Variants in NR3C1 observed in about 807,000 individuals in gnomAD.
The protein encoded by NR3C1 is nuclear receptor subfamily 3 group C member 1.
NR3C1 carries 14 observed loss-of-function variants against 74.0 expected under a neutral mutation model. The observed-to-expected ratio is 0.19, with a 90% CI of 0.12 to 0.30. The LOEUF is 0.30. Ranked by LOEUF, NR3C1 falls within the 10% of genes least tolerant of loss-of-function variation. NR3C1 has a pLI of 1.00. For missense variants in NR3C1, 695 were observed against 909.8 expected (o/e 0.76, Z 3.04); for synonymous variants, 308 against 332.5 (o/e 0.93, Z 0.80).
At chr5:143,316,378 A>G (rs1424428883) in intron 2 of NR3C1, among the ~76,000 whole-genome samples, 1 of 152,234 alleles carries the variant, frequency 6.6e-6, no homozygotes, top group Non-Finnish European at 1.5e-5. Flanking sequence ...CATTGTTTAA[A>G]GGTTAGGACA....
At chr5:143,320,639 A>G (rs1289767072) in intron 2 of NR3C1, among the ~76,000 whole-genome samples, 2 of 152,212 alleles carry the variant, frequency 1.3e-5, no homozygotes, top group Non-Finnish European at 2.9e-5. Flanking sequence ...TTGGATCTGT[A>G]AAGGGTTTCT....
intron 1 of NR3C1, chr5:143,401,127 C>T (rs1840190237): frequency 6.3e-6 from 3 of 476,132 alleles, no homozygotes; most frequent in Non-Finnish European, 1.2e-5. Flanking sequence ...ATTCATCCTG[C>T]CGCTCACTGA....
rs1434184426 is a variant in NR3C1 at position 143,278,392 on chromosome 5, C to G, written c.*3497G>C. On this transcript the variant is annotated 3_prime_UTR_variant, in exon 9 of 9. Transcript: ENST00000394464. ...ATTTGAGGAGGGTATTTTCATACAG[C>G]CTTTCATCAGAAAATAAAATCCTTT... 1 of 152,098 alleles carries G rather than the reference C, an allele frequency of 6.6e-6. No homozygotes were observed. The allele number at this position is 152,098 out of a possible 1,614,324, so 9.4% of individuals were successfully genotyped here. A position where few individuals can be genotyped will look rare whatever the true frequency, so the allele number is the denominator to read the frequency against.
intron 1 of NR3C1, among the ~76,000 whole-genome samples, chr5:143,421,749 A>G: frequency 6.6e-6 from 1 of 152,024 alleles, no homozygotes; most frequent in Non-Finnish European, 1.5e-5. Flanking sequence ...CCAAGCTCAC[A>G]CCACTGCACT....
intron 2 of NR3C1, among the ~76,000 whole-genome samples, chr5:143,329,042 C>CAG (rs1825292385): frequency 6.6e-6 from 1 of 152,138 alleles, no homozygotes; most frequent in African/African-American, 2.4e-5. Flanking sequence ...CCTGCCAGTA[C>CAG]CAATTCTCTG....
upstream of NR3C1, chr5:143,407,088 A>T (rs1054994346): frequency 6.6e-6 from 1 of 152,180 alleles, no homozygotes; most frequent in African/African-American, 2.4e-5. Context: ...AAGGTATTTG[A>T]TTGTCTTAGA....
chr5:143,347,387 T>C (rs1288747100), intron 2 of NR3C1, among the ~76,000 whole-genome samples: 2 of 152,112 alleles, frequency 1.3e-5, no homozygotes, highest in African/African-American at 4.8e-5. Context: ...AAAACAGACT[T>C]TAACCCAGTG....
chr5:143,336,901 C>G (rs1355154322), intron 2 of NR3C1, among the ~76,000 whole-genome samples: 1 of 151,676 alleles, frequency 6.6e-6, no homozygotes, highest in African/African-American at 2.4e-5. Context: ...AAGCTTGAAC[C>G]CAGGAGGTGG....
intron 2 of NR3C1, among the ~76,000 whole-genome samples, chr5:143,330,199 AAG>A (rs1168638722): frequency 3.9e-5 from 6 of 152,196 alleles, no homozygotes; most frequent in Non-Finnish European, 8.8e-5. Flanking sequence ...TTAAATAAAG[AAG>A]AAACATTTAA....
At chr5:143,329,169 T>C (rs33381) in intron 2 of NR3C1, among the ~76,000 whole-genome samples, 22,593 of 152,128 alleles carry the variant, frequency 0.15, 1,854 homozygotes, top group African/African-American at 0.18. Context: ...CATACAATCA[T>C]GGCAGAAGGC....
At position 143,399,509 on chromosome 5, in the gene NR3C1, T is replaced by C. The variant is rs61759027; in HGVS notation, c.1184+147A>G. ...ACAGATGTCACTTAGGTTGTCTACC[T>C]TTCCTACTTTCAAAAGGCCACTTAA... On this transcript the variant is annotated intron_variant, in intron 2 of 8. Coordinates refer to ENST00000394464, the MANE Select transcript of NR3C1 (RefSeq NM_000176.3). 5.4e-3 allele frequency: 3,743 copies of C among 692,122 alleles called. 114 individuals are homozygous for C. The East Asian group carries it at 0.069, about 13-fold the overall frequency. The allele number at this position is 692,122 out of a possible 1,614,324, so 42.9% of individuals were successfully genotyped here.
At chr5:143,322,402 G>A (rs10482659) in intron 2 of NR3C1, among the ~76,000 whole-genome samples, 2,510 of 152,228 alleles carry the variant, frequency 0.016, 27 homozygotes, top group Middle Eastern at 0.048. Flanking sequence ...TACTTTGTAG[G>A]CTGAAGTTTG....
chr5:143,421,163 C>G (rs1311045262), intron 1 of NR3C1, among the ~76,000 whole-genome samples: 2 of 152,106 alleles, frequency 1.3e-5, no homozygotes, highest in African/African-American at 4.8e-5. Flanking sequence ...ATACAAATGG[C>G]TAGCTACCAA....
In NR3C1 at chr5:143,280,521, G is replaced by A. The variant is rs1415474962; in HGVS notation, c.*1368C>T. On this transcript the variant is annotated 3_prime_UTR_variant, in exon 9 of 9. Transcript: ENST00000394464. ...AAAGTTGGTAAGGTGCACACAGAAAGGGCTACTACAGCTTCTATTTTGTTT... is the reference window on the plus strand; with the variant it reads ...AAAGTTGGTAAGGTGCACACAGAAAAGGCTACTACAGCTTCTATTTTGTTT... 1 of 152,590 alleles carries A rather than the reference G, an allele frequency of 6.6e-6. No homozygotes were observed. Among genetic ancestry groups the A allele is most frequent in the Non-Finnish European group, 1.5e-5 (1 of 68,018 alleles). 9.5% of individuals were successfully genotyped at this position (152,590 alleles called of 1,614,324 possible). A position where few individuals can be genotyped will look rare whatever the true frequency, so the allele number is the denominator to read the frequency against.
rs762087247 is a variant in NR3C1, at chr5:143,400,106, C to T, written c.734G>A (p.Cys245Tyr). 21 of 1,614,218 alleles carry T rather than the reference C, an allele frequency of 1.3e-5. No homozygotes were observed. The highest frequency in any genetic ancestry group is 1.8e-5 in the Non-Finnish European group (21 of 1,180,042). The change falls in exon 2 of 9, where the codon TGC (cysteine) becomes TAC (tyrosine). Residue 245 changes from cysteine (C) to tyrosine (Y), a missense_variant. Around this residue, in one of 4 missense-constraint regions of NR3C1, gnomAD observed 497 missense variants for 489.5 expected, o/e 1.02. Transcript: ENST00000394464. ...AGTGTCCGGTAAAATGAGAGGCTTG[C>T]AGTCCTCATTCGAGTTTCCTTCCAA... The part of the protein sequence containing the change: ...FLLEGNSNED[C>Y]KPLILPDTKP...
At chr5:143,338,552 TTAG>T (rs974637214) in intron 2 of NR3C1, among the ~76,000 whole-genome samples, 1 of 152,202 alleles carries the variant, frequency 6.6e-6, no homozygotes, top group African/African-American at 2.4e-5. Flanking sequence ...GTATTAGTTT[TTAG>T]TAACAGTTTT....
Position 143,279,408 on chromosome 5 carries a change from C to T in NR3C1, c.*2481G>A, listed in dbSNP as rs1003339691. ...GTGCTTTCTGGTTTTAACCACATAA[C>T]ATTCTATAAAGGAATGATAATCTAC... On this transcript the variant is annotated 3_prime_UTR_variant, in exon 9 of 9. Coordinates refer to ENST00000394464, the MANE Select transcript of NR3C1 (RefSeq NM_000176.3). 1.2e-5 allele frequency: 19 copies of T among 1,539,256 alleles called. No individual in the cohort carries two copies. The highest frequency in any genetic ancestry group is 1.7e-5 in the Non-Finnish European group (19 of 1,143,848).
intron 2 of NR3C1, among the ~76,000 whole-genome samples, chr5:143,361,454 T>C (rs1309612261): frequency 9.9e-5 from 15 of 152,204 alleles, no homozygotes; most frequent in Non-Finnish European, 2.1e-4. Flanking sequence ...TTTTAAACCT[T>C]AGAACTCCTT....
In NR3C1 at chr5:143,365,810, G is replaced by A. The variant is rs185552913; in HGVS notation, c.1184+33846C>T. 1.1e-3 allele frequency among the ~76,000 whole-genome samples: 175 copies of A among 152,224 alleles called. No individual in the cohort carries two copies. The Middle Eastern group carries it at 0.014, about 12-fold the overall frequency. On this transcript the variant is annotated intron_variant, in intron 2 of 8. Coordinates refer to ENST00000394464, the MANE Select transcript of NR3C1 (RefSeq NM_000176.3). ...TAGAAATCATACAAAGTATGTTCTCGGACCAGAATGGAATGACACTGAGAA... is the reference window on the plus strand; with the variant it reads ...TAGAAATCATACAAAGTATGTTCTCAGACCAGAATGGAATGACACTGAGAA...
Sources: gnomAD v4.1 joint callset for allele counts (sites outside exome capture counted in the v4.1 genomes callset) on GRCh38, gnomAD v4.1.1 for gene constraint, gnomAD v4.1.1 regional missense constraint, MANE v1.5 for transcripts, NCBI Gene and HGNC (gene_info 2026-07-23, HGNC 2026-07-21) for gene names.